DDX4: variants seen among roughly 807,000 people sequenced by gnomAD.
DDX4 encodes the protein probable ATP-dependent RNA helicase DDX4.
In DDX4, 25 loss-of-function variants were observed where a neutral mutation model predicts 100.0. That is an observed-to-expected ratio of 0.25 (90% CI 0.18 to 0.35). The LOEUF (loss-of-function observed/expected upper bound fraction) is 0.35. DDX4 is among the 10% of genes least tolerant of loss of function. The pLI is 1.00. For synonymous variants in DDX4, 259 were observed against 275.7 expected (o/e 0.94, Z 0.60); for missense variants, 635 against 882.4 (o/e 0.72, Z 3.55).
At chr5:55,754,071 G>T (rs1250084851) in intron 3 of DDX4, among the ~76,000 whole-genome samples, 1 of 143,530 alleles carries the variant, frequency 7.0e-6, no homozygotes, top group African/African-American at 2.6e-5. Context: ...GGAGATTTTG[G>T]GCTGAGACGA....
At chr5:55,816,345 G>T in intron 21 of DDX4, 118 bp from the exon 22 acceptor site, 1 of 1,392,214 alleles carries the variant, frequency 7.2e-7, no homozygotes, top group Non-Finnish European at 9.5e-7. Flanking sequence ...TGATTATTTG[G>T]GGAAGACATG....
At chr5:55,744,376 T>A (rs1759140013) in intron 2 of DDX4, among the ~76,000 whole-genome samples, 1 of 152,210 alleles carries the variant, frequency 6.6e-6, no homozygotes, top group South Asian at 2.1e-4. Context: ...GATTGTCATG[T>A]GCAAGAATTT....
chr5:55,813,732 T>C lies in DDX4; in HGVS notation c.1675T>C (p.Phe559Leu). ...GAAAAAAGCAGATTTTATTGCAACT[T>C]TTCTTTGTCAAGAAAAAATATCAAC... Reference protein sequence around the residue: ...TKKKADFIATFLCQEKISTTS... With the variant: ...TKKKADFIATLLCQEKISTTS... Residue 559 changes from phenylalanine to leucine, a missense_variant, in exon 19 of 22, where the codon TTT becomes CTT. Phe to Leu is a conservative substitution (Grantham distance 22). Coordinates refer to ENST00000505374, the MANE Select transcript of DDX4 (RefSeq NM_024415.3). 6.3e-7 allele frequency: 1 copy of C among 1,599,600 alleles called. No homozygotes were observed. Among genetic ancestry groups the C allele is most frequent in the Non-Finnish European group, 8.5e-7 (1 of 1,174,220 alleles).
At chr5:55,796,835 T>C (rs1273984435) in intron 17 of DDX4, among the ~76,000 whole-genome samples, 6 of 49,960 alleles carry the variant, frequency 1.2e-4, no homozygotes, top group African/African-American at 3.9e-4. Flanking sequence ...TTTTTTTTTT[T>C]TTTTTTTTTT....
chr5:55,815,120 T>C lies in DDX4; in HGVS notation c.1935T>C (p.Asp645=), dbSNP rs752078664. The C allele has an allele frequency of 3.1e-6, 5 of 1,614,244 alleles. No individual in the cohort carries two copies. The highest frequency in any genetic ancestry group is 4.2e-6 in the Non-Finnish European group (5 of 1,180,036). Residue 645 remains aspartate (D), a synonymous_variant, in exon 20 of 22, where the codon GAT becomes GAC. Transcript: ENST00000505374. ...CTGGCAGAGCAATTTCCTTTTTTGA[T>C]CTTGAATCGGATAACCATTTAGCAC... The part of the protein sequence containing the change: ...GNTGRAISFF[D]LESDNHLAQP...
At chr5:55,793,023 A>AGTGTGTGTGTGTGTGTGT (rs10551567) in intron 17 of DDX4, among the ~76,000 whole-genome samples, 1 of 144,664 alleles carries the variant, frequency 6.9e-6, no homozygotes, top group Non-Finnish European at 1.5e-5. Context: ...TTATTTAAAA[A>AGTGTGTGTGTGTGTGTGT]GTGTGTGTGT....
At chr5:55,768,835 A>T (rs866927090) in intron 7 of DDX4, among the ~76,000 whole-genome samples, 3 of 152,064 alleles carry the variant, frequency 2.0e-5, no homozygotes, top group African/African-American at 4.8e-5. Flanking sequence ...CTGGTGTGAG[A>T]TGGTATCTCA....
At chr5:55,813,136 T>C (rs1744209451) in intron 18 of DDX4, among the ~76,000 whole-genome samples, 1 of 152,022 alleles carries the variant, frequency 6.6e-6, no homozygotes, top group South Asian at 2.1e-4. Flanking sequence ...TGGGATAAGG[T>C]TGTCATTTAA....
At chr5:55,767,747 A>G in intron 6 of DDX4, 134 bp from the exon 7 acceptor site, 1 of 619,916 alleles carries the variant, frequency 1.6e-6, no homozygotes, top group Non-Finnish European at 2.7e-6. Context: ...AATTATTTGA[A>G]GAAATATGTT....
At chr5:55,763,716 A>G (rs1740713131) in intron 5 of DDX4, among the ~76,000 whole-genome samples, 1 of 152,194 alleles carries the variant, frequency 6.6e-6, no homozygotes, top group Non-Finnish European at 1.5e-5. Flanking sequence ...TAGAAAACAT[A>G]TAGTGGTTAC....
At chr5:55,805,551 C>G (rs932100514) in intron 18 of DDX4, among the ~76,000 whole-genome samples, 3 of 152,054 alleles carry the variant, frequency 2.0e-5, no homozygotes, top group African/African-American at 7.3e-5. Context: ...TGAATTTTGT[C>G]AAAGGCCTTT....
rs1366783115 is a variant in DDX4 at position 55,781,120 on chromosome 5, C to T, written c.551C>T (p.Ser184Phe). 6.2e-7 allele frequency: 1 copy of T among 1,612,452 alleles called. No homozygotes were observed. The highest frequency in any genetic ancestry group is 2.2e-5 in the East Asian group (1 of 44,802). The change falls in exon 9 of 22, where the codon TCT becomes TTT. Residue 184 changes from serine to phenylalanine, a missense_variant. Physicochemically the swap from Ser to Phe is radical, Grantham distance 155 (BLOSUM62 -2). Transcript: ENST00000505374. ...CMQRTGGLFG[S>F]RRPVLSGTGN... Reference sequence around the variant, plus strand: ...CAGCGCACTGGTGGCCTTTTTGGTTCTAGAAGACCAGTATTAAGTGGCACA... The same window carrying T: ...CAGCGCACTGGTGGCCTTTTTGGTTTTAGAAGACCAGTATTAAGTGGCACA...
chr5:55,793,464 C>T (rs1385676180), intron 17 of DDX4, among the ~76,000 whole-genome samples: 1 of 152,182 alleles, frequency 6.6e-6, no homozygotes, highest in East Asian at 1.9e-4. Flanking sequence ...ATATTTTGGA[C>T]TTAAAATAGG....
intron 17 of DDX4, among the ~76,000 whole-genome samples, chr5:55,793,660 G>A (rs2112070071): frequency 6.6e-6 from 1 of 152,294 alleles, no homozygotes; most frequent in Admixed American, 6.5e-5. Flanking sequence ...TGAGAGTGAT[G>A]GTAGGTGGGC....
At chr5:55,803,981 C>T (rs1743517659) in intron 18 of DDX4, among the ~76,000 whole-genome samples, 1 of 151,330 alleles carries the variant, frequency 6.6e-6, no homozygotes, top group African/African-American at 2.4e-5. Context: ...TCTCCAGCAC[C>T]TGTTGTTTCC....
intron 3 of DDX4, among the ~76,000 whole-genome samples, chr5:55,757,007 A>T (rs1759980945): frequency 6.6e-6 from 1 of 151,758 alleles, no homozygotes; most frequent in African/African-American, 2.4e-5. Flanking sequence ...ACTACTAAAA[A>T]ATGGAAAGGA....
At chr5:55,763,026 A>T in intron 4 of DDX4, 149 bp from the exon 5 acceptor site, 2 of 528,156 alleles carry the variant, frequency 3.8e-6, no homozygotes, top group Non-Finnish European at 3.4e-6. Flanking sequence ...TTTAAGTTGC[A>T]GGTATATTAA....
At chr5:55,813,576 G>A in intron 18 of DDX4, 97 bp from the exon 19 acceptor site, 2 of 1,417,266 alleles carry the variant, frequency 1.4e-6, no homozygotes, top group South Asian at 1.8e-5. Context: ...TACAGTGGTG[G>A]ACAAAGTTTC....
chr5:55,774,317 A>G (rs1561494900), intron 7 of DDX4, among the ~76,000 whole-genome samples: 2 of 151,660 alleles, frequency 1.3e-5, no homozygotes, highest in Non-Finnish European at 2.9e-5. Flanking sequence ...ATGCCCAGCT[A>G]ATTTCTTTAT....
Sources: allele counts gnomAD v4.1 joint callset (sites outside exome capture counted in the v4.1 genomes callset), GRCh38; gene constraint gnomAD v4.1.1; transcripts MANE v1.5; gene names NCBI Gene and HGNC (gene_info 2026-07-23, HGNC 2026-07-21).